PTPRG: variants seen among roughly 807,000 people sequenced by gnomAD.
PTPRG encodes the protein protein tyrosine phosphatase receptor type G, also known as receptor-type tyrosine-protein phosphatase gamma.
A neutral mutation model predicts 165.3 loss-of-function variants in PTPRG; 102 were observed. The observed-to-expected ratio is 0.62, with a 90% CI of 0.53 to 0.73. The LOEUF is 0.73. PTPRG is among the 30% of genes least tolerant of loss of function. The pLI, the probability that PTPRG is intolerant of heterozygous loss-of-function variation, is 0.00. For missense variants in PTPRG, 1,866 were observed against 1,861.4 expected (o/e 1.00, Z -0.05); for synonymous variants, 675 against 669.5 (o/e 1.01, Z -0.13).
chr3:61,681,685 T>G (rs1210215685), intron 1 of PTPRG, among the ~76,000 whole-genome samples: 1 of 152,184 alleles, frequency 6.6e-6, no homozygotes, highest in Non-Finnish European at 1.5e-5. Context: ...AGATAATACA[T>G]GTAAAGTATT....
At chr3:62,000,681 G>A (rs2041152919) in intron 3 of PTPRG, among the ~76,000 whole-genome samples, 1 of 152,116 alleles carries the variant, frequency 6.6e-6, no homozygotes, top group African/African-American at 2.4e-5. Flanking sequence ...TCTTCCTATT[G>A]TCCCTGCCTA....
At chr3:61,874,265 G>T (rs1015059770) in intron 2 of PTPRG, among the ~76,000 whole-genome samples, 3 of 152,128 alleles carry the variant, frequency 2.0e-5, no homozygotes, top group Non-Finnish European at 4.4e-5. Context: ...AAAAGCATTT[G>T]CTGGATCCCC....
chr3:61,653,099 C>T (rs1702404371), intron 1 of PTPRG, among the ~76,000 whole-genome samples: 1 of 151,524 alleles, frequency 6.6e-6, no homozygotes, highest in Non-Finnish European at 1.5e-5. Context: ...TACTTATAAG[C>T]CAAAAGAAGA....
chr3:62,148,012 G>A (rs917808060), intron 6 of PTPRG, among the ~76,000 whole-genome samples: 1 of 152,146 alleles, frequency 6.6e-6, no homozygotes, highest in Non-Finnish European at 1.5e-5. Flanking sequence ...CAGGCATGGT[G>A]GTGCACGCCT....
rs1394232572 is a variant in PTPRG, at chr3:62,222,126, CCAGAACCCTTTTGTTGTT to C, written c.2288+3156_2288+3173del. 3.3e-5 allele frequency among the ~76,000 whole-genome samples: 5 copies of C among 152,228 alleles called. No homozygotes were observed. The highest frequency in any genetic ancestry group is 5.9e-5 in the Non-Finnish European group (4 of 68,042). ...GGCCAAATAGTTGGCAATATCATCA[CCAGAACCCTTTTGTTGTT>C]CAGAACCCTTTTCTATTGCAGTTGA... On this transcript the variant is annotated intron_variant, in intron 13 of 29. Coordinates refer to ENST00000474889, the MANE Select transcript of PTPRG (RefSeq NM_002841.4). The surrounding 1 kb of genome is among the most constrained non-coding windows in gnomAD (Gnocchi z 4.5).
At chr3:61,761,520 G>C (rs1330197126) in intron 2 of PTPRG, among the ~76,000 whole-genome samples, 1 of 152,224 alleles carries the variant, frequency 6.6e-6, no homozygotes, top group African/African-American at 2.4e-5. Flanking sequence ...GGAGGTTGCA[G>C]TGAGCTGAGA....
intron 2 of PTPRG, among the ~76,000 whole-genome samples, chr3:61,845,479 A>C (rs1039637863): frequency 1.3e-5 from 2 of 152,158 alleles, no homozygotes; most frequent in East Asian, 3.9e-4. Flanking sequence ...CCGGGACTTG[A>C]AATAACATTT....
intron 5 of PTPRG, among the ~76,000 whole-genome samples, chr3:62,081,909 A>G (rs530303683): frequency 7.9e-4 from 120 of 152,286 alleles, no homozygotes; most frequent in African/African-American, 2.3e-3. Context: ...TTCAACATCT[A>G]TTCGATGCCA....
At chr3:61,786,542 T>C (rs2034710288) in intron 2 of PTPRG, among the ~76,000 whole-genome samples, 1 of 152,176 alleles carries the variant, frequency 6.6e-6, no homozygotes, top group Admixed American at 6.5e-5. Flanking sequence ...TCAAGGGTGG[T>C]TGGAGAGTCA....
intron 2 of PTPRG, among the ~76,000 whole-genome samples, chr3:61,798,055 T>G (rs1457590666): frequency 6.6e-5 from 10 of 152,204 alleles, no homozygotes; most frequent in Admixed American, 4.6e-4. Flanking sequence ...GAGACAGTTA[T>G]GGTTGAATAA....
intron 2 of PTPRG, among the ~76,000 whole-genome samples, chr3:61,905,606 T>C (rs2038625678): frequency 6.6e-6 from 1 of 152,242 alleles, no homozygotes; most frequent in South Asian, 2.1e-4. Context: ...TTTAAGCATC[T>C]CCGGAGCATT....
chr3:62,160,806 A>T (rs1576078745), intron 7 of PTPRG, among the ~76,000 whole-genome samples: 1 of 151,276 alleles, frequency 6.6e-6, no homozygotes, highest in South Asian at 2.1e-4. Context: ...AGGGGGTGCT[A>T]TCAAAAAGGC....
intron 1 of PTPRG, among the ~76,000 whole-genome samples, chr3:61,585,998 T>G (rs1700425557): frequency 6.6e-6 from 1 of 152,202 alleles, no homozygotes; most frequent in African/African-American, 2.4e-5. Flanking sequence ...AGACACTGAT[T>G]GGGCTATTGG....
At chr3:62,042,469 A>G (rs1700159202) in intron 4 of PTPRG, among the ~76,000 whole-genome samples, 2 of 152,142 alleles carry the variant, frequency 1.3e-5, no homozygotes, top group Admixed American at 6.5e-5. Flanking sequence ...GGTATTACTC[A>G]TCTCTGATTC....
chr3:62,093,331 T>TCCCG (rs993888037), intron 5 of PTPRG, among the ~76,000 whole-genome samples: 1 of 152,244 alleles, frequency 6.6e-6, no homozygotes, highest in Non-Finnish European at 1.5e-5. Flanking sequence ...TTCATGATCC[T>TCCCG]CCCGCCCTCT....
chr3:61,676,986 C>T (rs111337272), intron 1 of PTPRG, among the ~76,000 whole-genome samples: 11,654 of 152,048 alleles, frequency 0.077, 454 homozygotes, highest in East Asian at 0.11. Flanking sequence ...GTGGCTCAGG[C>T]CTGTAATCCC....
chr3:62,295,538 A>G lies in PTPRG; in HGVS notation c.*2231A>G, dbSNP rs1195781397. 6.6e-6 allele frequency: 1 copy of G among 152,120 alleles called. No individual in the cohort carries two copies. The highest frequency in any genetic ancestry group is 1.5e-5 in the Non-Finnish European group (1 of 68,002). 9.4% of individuals were successfully genotyped at this position (152,120 alleles called of 1,614,324 possible). ...TTTATAGAGGGCTCAATTCGTAGAA[A>G]GGCATACCCTCCAATGCAATTCTGT... On this transcript the variant is annotated 3_prime_UTR_variant, in exon 30 of 30. Coordinates refer to ENST00000474889, the MANE Select transcript of PTPRG (RefSeq NM_002841.4).
At chr3:61,886,904 G>A (rs1455278985) in intron 2 of PTPRG, among the ~76,000 whole-genome samples, 2 of 150,996 alleles carry the variant, frequency 1.3e-5, no homozygotes, top group African/African-American at 4.9e-5. Flanking sequence ...GATCAGAAGA[G>A]GACTGGACTT....
Position 62,188,791 on chromosome 3 carries a change from A to G in PTPRG, c.1034-2678A>G, listed in dbSNP as rs144047339. Among the ~76,000 whole-genome samples, 16 of 152,292 alleles carry G rather than the reference A, an allele frequency of 1.1e-4. No individual in the cohort carries two copies. The East Asian group carries it at 3.1e-3, about 29-fold the overall frequency. ...AATGAATGCTTTCAGAATGAGGAAG[A>G]TAAATAAGAACATGGTGGGAGGTGA... is the stretch of plus-strand genomic sequence containing the variant. On this transcript the variant is annotated intron_variant, in intron 8 of 29. Coordinates refer to ENST00000474889, the MANE Select transcript of PTPRG (RefSeq NM_002841.4).
Sources: allele counts gnomAD v4.1 joint callset (sites outside exome capture counted in the v4.1 genomes callset), GRCh38; gene constraint gnomAD v4.1.1; non-coding constraint Gnocchi (gnomAD v3.1); transcripts MANE v1.5; gene names NCBI Gene and HGNC (gene_info 2026-07-23, HGNC 2026-07-21).